The following CD8B2 variants were observed in gnomAD, a reference collection of about 807,000 sequenced individuals.
CD8B2 encodes CD8B family member 2, also known as T-cell surface glycoprotein CD8 beta-2 chain.
A neutral mutation model predicts 23.7 loss-of-function variants in CD8B2; 11 were observed. The observed-to-expected ratio is 0.46, with a 90% confidence interval of 0.29 to 0.77. CD8B2 has a LOEUF of 0.77. Among genes scored for constraint, CD8B2 ranks in the 30% least tolerant of loss-of-function variants. CD8B2 has a pLI of 0.09. For missense variants in CD8B2, 197 were observed against 270.5 expected (o/e 0.73, Z 1.91); for synonymous variants, 90 against 109.3 (o/e 0.82, Z 1.10).
chr2:106,535,466 G>A (rs1209214024), intron 5 of CD8B2: 1 of 149,308 alleles, frequency 6.7e-6, no homozygotes, highest in Non-Finnish European at 1.5e-5. Context: ...AATTGAAGGT[G>A]TTTGCCCATG....
In CD8B2 at chr2:106,496,173, T is replaced by C. The variant is rs1217588676; in HGVS notation, c.404T>C (p.Val135Ala). 6.5e-7 allele frequency: 1 copy of C among 1,542,980 alleles called. No homozygotes were observed. The highest frequency in any genetic ancestry group is 8.8e-7 in the Non-Finnish European group (1 of 1,141,376). Residue 135 changes from valine (V) to alanine (A), a missense_variant and splice_region_variant, in exon 3 of 6, where the codon GTT becomes GCT. By Grantham distance (64) the Val-to-Ala change is moderately conservative (BLOSUM62 0). Transcript: ENST00000643224. ...TFGKGTQLSV[V>A]DFLPTTAQPT... The stretch of plus-strand genomic sequence containing the variant: ...TATGTGTCTTGCTTTCTTTCTGTAG[T>C]TGATTTCCTTCCCACCACTGCCCAG...
intron 5 of CD8B2, among the ~76,000 whole-genome samples, chr2:106,529,641 C>A (rs575747253): frequency 6.6e-6 from 1 of 152,350 alleles, no homozygotes; most frequent in Non-Finnish European, 1.5e-5. Context: ...CTACTGTTTT[C>A]ACCTAGGCTA....
intron 2 of CD8B2, among the ~76,000 whole-genome samples, chr2:106,491,784 AG>A (rs1485676938): frequency 6.6e-6 from 1 of 152,098 alleles, no homozygotes; most frequent in Non-Finnish European, 1.5e-5. Flanking sequence ...CCTGACCTCA[AG>A]TGATCCACCC....
At chr2:106,536,665 G>A (rs6746717) in intron 5 of CD8B2, among the ~76,000 whole-genome samples, 6,820 of 152,304 alleles carry the variant, frequency 0.045, 210 homozygotes, top group Middle Eastern at 0.12. Context: ...AAGCACAGAG[G>A]GTAGGCGAGC....
chr2:106,535,448 G>C (rs1187166722), intron 5 of CD8B2: 2 of 152,042 alleles, frequency 1.3e-5, no homozygotes, highest in African/African-American at 4.8e-5. Context: ...GAAGGTCCTT[G>C]TGTAGGAAAT....
intron 5 of CD8B2, among the ~76,000 whole-genome samples, chr2:106,539,598 C>T (rs751095378): frequency 2.6e-5 from 4 of 152,154 alleles, no homozygotes; most frequent in Admixed American, 2.6e-4. Context: ...TGCTTAATTC[C>T]AGCTTACAGG....
At chr2:106,498,813 C>T (rs1221948255) in intron 3 of CD8B2, among the ~76,000 whole-genome samples, 1 of 152,196 alleles carries the variant, frequency 6.6e-6, no homozygotes, top group Non-Finnish European at 1.5e-5. Context: ...GGCGTCCACA[C>T]AGACCTCAAA....
At chr2:106,503,470 G>A (rs1454357789) in intron 4 of CD8B2, among the ~76,000 whole-genome samples, 1 of 152,092 alleles carries the variant, frequency 6.6e-6, no homozygotes. Flanking sequence ...AAATCTCAGT[G>A]GTTTGCAAAC....
At chr2:106,532,981 A>G (rs547228330) in intron 5 of CD8B2, among the ~76,000 whole-genome samples, 25 of 152,316 alleles carry the variant, frequency 1.6e-4, no homozygotes, top group African/African-American at 6.0e-4. Flanking sequence ...CACCTCTGAC[A>G]TTGGCACCAG....
rs1558887886 is a variant in CD8B2, at chr2:106,536,732, G to A, written c.621-7260G>A. The stretch of plus-strand genomic sequence containing the variant: ...AGGGTGTGTTACGGTAAGGAAATGA[G>A]TGAGAAGTGGCTTGTGAAGTAAGGG... On this transcript the variant is annotated intron_variant, in intron 5 of 5. Coordinates refer to the CD8B2 transcript ENST00000416057. 4.6e-5 allele frequency among the ~76,000 whole-genome samples: 7 copies of A among 152,212 alleles called. 1 individual carries two copies. The South Asian group carries it at 1.5e-3, about 32-fold the overall frequency.
At chr2:106,491,660 G>C (rs1426764836) in intron 2 of CD8B2, among the ~76,000 whole-genome samples, 8 of 152,120 alleles carry the variant, frequency 5.3e-5, no homozygotes, top group Admixed American at 5.2e-4. Flanking sequence ...TGATTCTCCT[G>C]CCTCAGCTTC....
chr2:106,527,306 C>G (rs185133572), intron 5 of CD8B2, among the ~76,000 whole-genome samples: 5 of 152,312 alleles, frequency 3.3e-5, no homozygotes, highest in African/African-American at 1.2e-4. Context: ...GGTCTTGAAA[C>G]GGCCTGAAGT....
intron 5 of CD8B2, among the ~76,000 whole-genome samples, chr2:106,529,227 A>G (rs1679960224): frequency 6.6e-6 from 1 of 152,328 alleles, no homozygotes; most frequent in Non-Finnish European, 1.5e-5. Context: ...AATGGAGTAA[A>G]TTTAATAGAA....
downstream of CD8B2, chr2:106,511,096 A>T (rs1160499835): frequency 1.3e-5 from 2 of 152,214 alleles, no homozygotes; most frequent in Non-Finnish European, 2.9e-5. Context: ...ACCTCTAGCC[A>T]TTGTTATAAT....
rs1431331960 is a variant in CD8B2 at position 106,510,812 on chromosome 2, A to G, written c.*3872A>G. 1 of 152,060 alleles carries G rather than the reference A, an allele frequency of 6.6e-6. No homozygotes were observed. The highest frequency in any genetic ancestry group is 1.5e-5 in the Non-Finnish European group (1 of 68,010). 9.4% of individuals were successfully genotyped at this position (152,060 alleles called of 1,614,324 possible). A position where few individuals can be genotyped will look rare whatever the true frequency, so the allele number is the denominator to read the frequency against. Reference sequence around the variant, plus strand: ...TAAAACATAAAATTGAAATCTCGAGAATATAATACATAAAATAGAGAATAT... The same window carrying G: ...TAAAACATAAAATTGAAATCTCGAGGATATAATACATAAAATAGAGAATAT... On this transcript the variant is annotated 3_prime_UTR_variant, in exon 6 of 6. Coordinates refer to ENST00000643224, the MANE Select transcript of CD8B2 (RefSeq NM_001349727.2).
At chr2:106,512,164 CT>C (rs2104563824), downstream of CD8B2, among the ~76,000 whole-genome samples, 1 of 152,326 alleles carries the variant, frequency 6.6e-6, no homozygotes, top group Non-Finnish European at 1.5e-5. Flanking sequence ...CAAGCTCTGT[CT>C]CCCCGGCTCA....
At chr2:106,527,061 T>C (rs1679917648) in intron 5 of CD8B2, among the ~76,000 whole-genome samples, 1 of 152,244 alleles carries the variant, frequency 6.6e-6, no homozygotes, top group Non-Finnish European at 1.5e-5. Context: ...TGTGTGAACA[T>C]TGGTTTTCAT....
Position 106,509,933 on chromosome 2 carries a change from A to C in CD8B2, c.*2993A>C, listed in dbSNP as rs1197849626. ...GCTTACTAGCTAAAAATGGGAAATA[A>C]TCCAAATGTCCATCAAAAGGGACTG... On this transcript the variant is annotated 3_prime_UTR_variant, in exon 6 of 6. Transcript: ENST00000643224. 6.6e-6 allele frequency: 1 copy of C among 152,208 alleles called. No homozygotes were observed. The highest frequency in any genetic ancestry group is 2.4e-5 in the African/African-American group (1 of 41,446). 9.4% of individuals were successfully genotyped at this position (152,208 alleles called of 1,614,324 possible). A position where few individuals can be genotyped will look rare whatever the true frequency, so the allele number is the denominator to read the frequency against.
At chr2:106,523,889 A>G (rs1031665288) in intron 5 of CD8B2, among the ~76,000 whole-genome samples, 1 of 152,172 alleles carries the variant, frequency 6.6e-6, no homozygotes, top group African/African-American at 2.4e-5. Flanking sequence ...CTCATTGTCT[A>G]GATGTGGTGA....
Sources: allele counts gnomAD v4.1 joint callset (sites outside exome capture counted in the v4.1 genomes callset), GRCh38; gene constraint gnomAD v4.1.1; transcripts MANE v1.5; gene names NCBI Gene and HGNC (gene_info 2026-07-23, HGNC 2026-07-21).